DBNDD1: variants seen among roughly 807,000 people sequenced by gnomAD.
DBNDD1 encodes the protein dysbindin domain containing 1, also known as dysbindin domain-containing protein 1.
In DBNDD1, 14 loss-of-function variants were observed where a neutral mutation model predicts 17.0. The ratio of observed to expected loss-of-function variants is 0.82; its 90% CI spans 0.54 to 1.29. The LOEUF is 1.29. Among genes scored for constraint, DBNDD1 ranks in the 50% most tolerant of loss-of-function variants. The pLI, the probability that DBNDD1 is intolerant of heterozygous loss-of-function variation, is 0.00. For synonymous variants in DBNDD1, 105 were observed against 102.0 expected (o/e 1.03, Z -0.18); for missense variants, 221 against 216.2 (o/e 1.02, Z -0.14).
At position 90,006,615 on chromosome 16, in the gene DBNDD1, C is replaced by T. The variant is rs1317445047; in HGVS notation, c.320-123G>A. On this transcript the variant is annotated intron_variant, in intron 3 of 3. Transcript: ENST00000002501. ...AATGCTCTGCACCAGCCCCCTGCAC[C>T]AGGCATGCACACATCTACCTCTAAC... The T allele has an allele frequency of 3.2e-6, 4 of 1,240,956 alleles. No individual in the cohort carries two copies. The East Asian group carries it at 1.0e-4, about 32-fold the overall frequency. 76.9% of individuals were successfully genotyped at this position (1,240,956 alleles called of 1,614,324 possible).
chr16:90,009,482 C>A, intron 1 of DBNDD1, 52 bp from the exon 2 acceptor site: 2 of 1,597,664 alleles, frequency 1.3e-6, no homozygotes, highest in Non-Finnish European at 1.7e-6. Flanking sequence ...TCCCACATCC[C>A]CCCAGGACGC....
At chr16:90,011,526 G>A in intron 1 of DBNDD1, 1 of 391,184 alleles carries the variant, frequency 2.6e-6, no homozygotes, top group South Asian at 1.9e-5. Flanking sequence ...CAGCCCTGTG[G>A]CCTGACAGTG....
At position 90,008,934 on chromosome 16, in the gene DBNDD1, G is replaced by T; in HGVS notation, c.179-10C>A. On this transcript the variant is annotated splice_polypyrimidine_tract_variant and intron_variant, in intron 2 of 3. Transcript: ENST00000002501. Reference sequence around the variant, plus strand: ...ACGCTGCTCAGAGGCTCTGAGGGCAGAGGGGGTACAGTCAGCCCTCAGGCC... The same window carrying T: ...ACGCTGCTCAGAGGCTCTGAGGGCATAGGGGGTACAGTCAGCCCTCAGGCC... 6.5e-7 allele frequency: 1 copy of T among 1,547,364 alleles called. No homozygotes were observed.
rs115499378 is a variant in DBNDD1, at chr16:90,015,808, G to A, written c.31+3503C>T. 1.3e-3 allele frequency among the ~76,000 whole-genome samples: 202 copies of A among 151,830 alleles called. 2 individuals carry two copies. The highest frequency in any genetic ancestry group is 4.7e-3 in the African/African-American group (192 of 41,164). On this transcript the variant is annotated intron_variant, in intron 1 of 3. Coordinates refer to ENST00000002501, the MANE Select transcript of DBNDD1 (RefSeq NM_001042610.3). Reference sequence around the variant, plus strand: ...TAGGAAATGTCCAGAATAGGCAAGCGCGTAGACATTCCATCAGTGATCGTC... The same window carrying A: ...TAGGAAATGTCCAGAATAGGCAAGCACGTAGACATTCCATCAGTGATCGTC...
chr16:90,011,934 C>G (rs1437509306), intron 1 of DBNDD1, among the ~76,000 whole-genome samples: 1 of 152,222 alleles, frequency 6.6e-6, no homozygotes, highest in Non-Finnish European at 1.5e-5. Context: ...GGAGACCCAG[C>G]CTGGCCCTTG....
rs146185479 is a variant in DBNDD1, at chr16:90,009,009, T to C, written c.179-85A>G. 246 of 1,441,096 alleles carry C rather than the reference T, an allele frequency of 1.7e-4. No individual in the cohort carries two copies. In the African/African-American group the frequency reaches 3.1e-3, roughly 18 times the overall value. 89.3% of individuals were successfully genotyped at this position (1,441,096 alleles called of 1,614,324 possible). ...CGGGGGTCTAGGAGAGAGTGTGCTG[T>C]GTCCTCCCACAAGGCTGTGGGTGAA... On this transcript the variant is annotated intron_variant, in intron 2 of 3. Coordinates refer to ENST00000002501, the MANE Select transcript of DBNDD1 (RefSeq NM_001042610.3).
In DBNDD1 at chr16:90,011,438, C is replaced by T. The variant is rs548338962; in HGVS notation, c.32-2008G>A. The T allele has an allele frequency of 5.1e-5, 16 of 314,794 alleles. 1 individual carries two copies. The highest frequency in any genetic ancestry group is 3.5e-4 in the South Asian group (14 of 40,378). The allele number at this position is 314,794 out of a possible 1,614,324, so 19.5% of individuals were successfully genotyped here. A position where few individuals can be genotyped will look rare whatever the true frequency, so the allele number is the denominator to read the frequency against. ...CACCGGTGCAGGGCTGGGAGGTCCC[C>T]AGTGGCTTAAGAGCTGGGCAGTGTG... On this transcript the variant is annotated intron_variant, in intron 1 of 3. Coordinates refer to ENST00000002501, the MANE Select transcript of DBNDD1 (RefSeq NM_001042610.3).
upstream of DBNDD1, chr16:90,019,636 C>T: frequency 2.4e-6 from 1 of 419,408 alleles, no homozygotes; most frequent in Non-Finnish European, 4.2e-6. The surrounding 1 kb of genome is among the most constrained non-coding windows in gnomAD (Gnocchi z 6.1). Context: ...GCCGACCCTT[C>T]CCTCGCGGGC....
chr16:90,012,538 A>G (rs756121177), intron 1 of DBNDD1, among the ~76,000 whole-genome samples: 1 of 149,688 alleles, frequency 6.7e-6, no homozygotes, highest in Non-Finnish European at 1.5e-5. Flanking sequence ...TGGCTCATCA[A>G]AACCTCCGCC....
At position 90,005,074 on chromosome 16, in the gene DBNDD1, G is replaced by C. The variant is rs1244115472; in HGVS notation, c.*1261C>G. ...AGGGAAGGAGACCTGGCTGAGGCAG[G>C]AACTGGGTTTGCCAGCAGTGCGGAG... On this transcript the variant is annotated 3_prime_UTR_variant, in exon 4 of 4. Coordinates refer to ENST00000002501, the MANE Select transcript of DBNDD1 (RefSeq NM_001042610.3). 2 of 152,732 alleles carry C rather than the reference G, an allele frequency of 1.3e-5. No individual in the cohort carries two copies. Among genetic ancestry groups the C allele is most frequent in the Non-Finnish European group, 2.9e-5 (2 of 68,220 alleles). 9.5% of individuals were successfully genotyped at this position (152,732 alleles called of 1,614,324 possible).
chr16:90,017,291 C>T (rs138372213), intron 1 of DBNDD1, among the ~76,000 whole-genome samples: 5 of 152,092 alleles, frequency 3.3e-5, no homozygotes, highest in South Asian at 2.1e-4. Context: ...GTCAGGAGAT[C>T]GAGATCATCC....
At chr16:90,017,207 C>T (rs1330191900) in intron 1 of DBNDD1, among the ~76,000 whole-genome samples, 1 of 152,234 alleles carries the variant, frequency 6.6e-6, no homozygotes, top group Admixed American at 6.5e-5. Context: ...TTATAAAAAT[C>T]CTATTTTGCC....
In DBNDD1 at chr16:90,005,959, A is replaced by C. The variant is rs377349413; in HGVS notation, c.*376T>G. Reference sequence around the variant, plus strand: ...CACAGGCCTGGGTCCCCTTCACCCCAAGGCCGCCGTGGGCCACTCCATTCC... The same window carrying C: ...CACAGGCCTGGGTCCCCTTCACCCCCAGGCCGCCGTGGGCCACTCCATTCC... On this transcript the variant is annotated 3_prime_UTR_variant, in exon 4 of 4. Coordinates refer to ENST00000002501, the MANE Select transcript of DBNDD1 (RefSeq NM_001042610.3). 102 of 193,890 alleles carry C rather than the reference A, an allele frequency of 5.3e-4. No homozygotes were observed. The East Asian group carries it at 0.011, about 21-fold the overall frequency. The allele number at this position is 193,890 out of a possible 1,614,324, so 12.0% of individuals were successfully genotyped here. A position where few individuals can be genotyped will look rare whatever the true frequency, so the allele number is the denominator to read the frequency against.
chr16:90,008,942 A>G lies in DBNDD1; in HGVS notation c.179-18T>C. 6.5e-7 allele frequency: 1 copy of G among 1,538,850 alleles called. No homozygotes were observed. The highest frequency in any genetic ancestry group is 2.4e-5 in the East Asian group (1 of 41,358). ...CAGAGGCTCTGAGGGCAGAGGGGGTACAGTCAGCCCTCAGGCCCTCCCACA... is the reference window on the plus strand; with the variant it reads ...CAGAGGCTCTGAGGGCAGAGGGGGTGCAGTCAGCCCTCAGGCCCTCCCACA... On this transcript the variant is annotated intron_variant, in intron 2 of 3. Transcript: ENST00000002501.
intron 1 of DBNDD1, among the ~76,000 whole-genome samples, chr16:90,010,565 G>A (rs1433366399): frequency 2.2e-5 from 3 of 137,980 alleles, no homozygotes; most frequent in Admixed American, 7.5e-5. Flanking sequence ...ATTTTTACTC[G>A]TGATCCACCC....
At chr16:90,018,625 G>T (rs1263589710) in intron 1 of DBNDD1, among the ~76,000 whole-genome samples, 1 of 152,234 alleles carries the variant, frequency 6.6e-6, no homozygotes, top group Non-Finnish European at 1.5e-5. Context: ...ATCGGGAAGG[G>T]GGGAGGTTCT....
intron 1 of DBNDD1, among the ~76,000 whole-genome samples, chr16:90,013,262 T>TAACAAAAAAAAAAAAAA (rs2035586362): frequency 2.0e-5 from 1 of 49,182 alleles, no homozygotes; most frequent in Non-Finnish European, 4.4e-5. Flanking sequence ...AACCTTGCCT[T>TAACAAAAAAAAAAAAAA]AAAAAAAAAA....
intron 1 of DBNDD1, among the ~76,000 whole-genome samples, chr16:90,010,913 A>G (rs2035542736): frequency 6.6e-6 from 1 of 151,922 alleles, no homozygotes; most frequent in Non-Finnish European, 1.5e-5. Context: ...CTCTCAGGGA[A>G]GAGACAAAGC....
intron 3 of DBNDD1, among the ~76,000 whole-genome samples, chr16:90,008,072 G>C (rs112359159): frequency 9.9e-6 from 1 of 101,022 alleles, no homozygotes; most frequent in Non-Finnish European, 1.9e-5. Flanking sequence ...CTCCCAGGAC[G>C]TCCCAAGGGG....
Sources: gnomAD v4.1 joint callset for allele counts (sites outside exome capture counted in the v4.1 genomes callset) on GRCh38, gnomAD v4.1.1 for gene constraint, Gnocchi (gnomAD v3.1) non-coding constraint, MANE v1.5 for transcripts, NCBI Gene and HGNC (gene_info 2026-07-23, HGNC 2026-07-21) for gene names.